PSMD14: variants seen among roughly 807,000 people sequenced by gnomAD.
PSMD14 encodes ubiquitin C-terminal hydrolase PSMD14.
PSMD14 carries 7 observed loss-of-function variants against 41.2 expected under a neutral mutation model. The observed-to-expected ratio is 0.17, with a 90% CI of 0.10 to 0.32. The LOEUF is 0.32. PSMD14 is among the 10% of genes least tolerant of loss of function. PSMD14 has a pLI of 1.00. For missense variants in PSMD14, 139 were observed against 375.6 expected (o/e 0.37, Z 5.21); for synonymous variants, 114 against 122.3 (o/e 0.93, Z 0.45).
intron 3 of PSMD14, among the ~76,000 whole-genome samples, chr2:161,353,944 A>G (rs1683155668): frequency 6.6e-6 from 1 of 152,232 alleles, no homozygotes; most frequent in South Asian, 2.1e-4. Flanking sequence ...GCTTCCCAAA[A>G]TAACCAGTTA....
chr2:161,348,217 T>TC (rs1051665943), intron 3 of PSMD14, among the ~76,000 whole-genome samples: 2 of 152,184 alleles, frequency 1.3e-5, no homozygotes, highest in African/African-American at 4.8e-5. Flanking sequence ...ACTGGGACAT[T>TC]CATAACAGCA....
At chr2:161,389,913 A>T (rs1461762114) in intron 8 of PSMD14, among the ~76,000 whole-genome samples, 28 of 2,646 alleles carry the variant, frequency 0.011, no homozygotes, top group East Asian at 0.036. Context: ...TTTTTTTTTT[A>T]GAGATGGGGT....
intron 3 of PSMD14, among the ~76,000 whole-genome samples, chr2:161,340,176 T>G (rs2105241146): frequency 6.6e-6 from 1 of 152,290 alleles, no homozygotes; most frequent in South Asian, 2.1e-4. Flanking sequence ...ATGAAAGGGC[T>G]GAATCCGAGA....
chr2:161,318,534 A>G (rs1485052375), intron 2 of PSMD14, among the ~76,000 whole-genome samples: 8 of 152,140 alleles, frequency 5.3e-5, no homozygotes. Flanking sequence ...ACAATAAGAA[A>G]ATATAATTAA....
intron 8 of PSMD14, among the ~76,000 whole-genome samples, chr2:161,390,416 T>G (rs1012466165): frequency 6.6e-6 from 1 of 152,102 alleles, no homozygotes; most frequent in Admixed American, 6.6e-5. Flanking sequence ...CAGAGTTAGA[T>G]ATGGGGGCAG....
intron 3 of PSMD14, among the ~76,000 whole-genome samples, chr2:161,340,391 C>T (rs1682933209): frequency 2.6e-5 from 4 of 152,108 alleles, no homozygotes; most frequent in Admixed American, 2.6e-4. Context: ...TCTCATTCCT[C>T]AAAGTCTTCT....
intron 3 of PSMD14, among the ~76,000 whole-genome samples, chr2:161,361,951 T>G (rs911543667): frequency 4.6e-5 from 7 of 152,236 alleles, no homozygotes; most frequent in Non-Finnish European, 1.0e-4. Flanking sequence ...TCTTACCTTA[T>G]GTTGCTTGGT....
chr2:161,356,879 C>A (rs1179718084), intron 3 of PSMD14, among the ~76,000 whole-genome samples: 5 of 145,760 alleles, frequency 3.4e-5, no homozygotes, highest in Admixed American at 1.4e-4. Context: ...TTTTACATTT[C>A]TTTTAAGTGA....
rs528401756 is a variant in PSMD14, at chr2:161,379,925, A to C, written c.463-5539A>C. Among the ~76,000 whole-genome samples, 158 of 152,144 alleles carry C rather than the reference A, an allele frequency of 1.0e-3. 1 individual carries two copies. Among genetic ancestry groups the C allele is most frequent in the African/African-American group, 3.7e-3 (154 of 41,548 alleles). ...ACCACTGCTGTGTTCAGTTGTTGGC[A>C]GGGAGCTGCCCAGGAGAAGTATGAC... On this transcript the variant is annotated intron_variant, in intron 7 of 11. Transcript: ENST00000409682.
At chr2:161,343,659 C>G (rs1682999009) in intron 3 of PSMD14, among the ~76,000 whole-genome samples, 1 of 152,204 alleles carries the variant, frequency 6.6e-6, no homozygotes. Flanking sequence ...GAAACCCTGT[C>G]TATTCTAAAA....
chr2:161,396,603 G>T (rs932072778), intron 10 of PSMD14, among the ~76,000 whole-genome samples: 3 of 152,124 alleles, frequency 2.0e-5, no homozygotes, highest in African/African-American at 4.8e-5. Context: ...GTAGAGAGTA[G>T]AATTGTGGTT....
chr2:161,318,913 C>G lies in PSMD14; in HGVS notation c.48+40C>G, dbSNP rs374769249. ...TCTTGAGCATTTCCTTGTGTGTAAA[C>G]TACAAGCCTTTTTGTAGTTAGCCAA... is the stretch of plus-strand genomic sequence containing the variant. On this transcript the variant is annotated intron_variant, in intron 3 of 11. Coordinates refer to ENST00000409682, the MANE Select transcript of PSMD14 (RefSeq NM_005805.6). The G allele has an allele frequency of 1.6e-5, 25 of 1,534,078 alleles. No individual in the cohort carries two copies. In the African/African-American group the frequency reaches 3.2e-4, roughly 20 times the overall value.
chr2:161,375,428 A>G (rs1683490287), intron 7 of PSMD14, among the ~76,000 whole-genome samples: 1 of 152,078 alleles, frequency 6.6e-6, no homozygotes, highest in Non-Finnish European at 1.5e-5. Context: ...TTACTTGTAT[A>G]ACAAACACAG....
At chr2:161,357,088 T>TTTTTTTTTTTTTTTTTTTTTTTTTTTTTA (rs1683218463) in intron 3 of PSMD14, among the ~76,000 whole-genome samples, 2 of 150,166 alleles carry the variant, frequency 1.3e-5, no homozygotes, top group African/African-American at 2.5e-5. Flanking sequence ...TTTTTTTTTT[T>TTTTTTTTTTTTTTTTTTTTTTTTTTTTTA]AGCACTTAGT....
chr2:161,347,247 G>C (rs1182689517), intron 3 of PSMD14, among the ~76,000 whole-genome samples: 2 of 152,116 alleles, frequency 1.3e-5, no homozygotes, highest in Non-Finnish European at 2.9e-5. Flanking sequence ...GCTTTAGGTG[G>C]GAATGTAGAT....
chr2:161,310,925 G>A (rs932640148), intron 1 of PSMD14, among the ~76,000 whole-genome samples: 3 of 152,148 alleles, frequency 2.0e-5, no homozygotes, highest in Non-Finnish European at 4.4e-5. Flanking sequence ...CTCAGTGCAT[G>A]CCACTAAATT....
chr2:161,338,748 C>G (rs1682905588), intron 3 of PSMD14, among the ~76,000 whole-genome samples: 1 of 152,176 alleles, frequency 6.6e-6, no homozygotes, highest in African/African-American at 2.4e-5. Context: ...TCACTGCAAT[C>G]AAGATGGTGA....
At chr2:161,393,698 A>G (rs1264196635) in intron 9 of PSMD14, among the ~76,000 whole-genome samples, 1 of 152,142 alleles carries the variant, frequency 6.6e-6, no homozygotes, top group Non-Finnish European at 1.5e-5. Context: ...TTTTATAGCC[A>G]TCATTTTTTT....
intron 8 of PSMD14, among the ~76,000 whole-genome samples, chr2:161,389,908 T>TTTTTTTTTA (rs1559053001): frequency 7.8e-6 from 1 of 128,318 alleles, no homozygotes; most frequent in African/African-American, 2.9e-5. Context: ...TTTTTTTTTT[T>TTTTTTTTTA]TTTTAGAGAT....
Sources: gnomAD v4.1 joint callset for allele counts (sites outside exome capture counted in the v4.1 genomes callset) on GRCh38, gnomAD v4.1.1 for gene constraint, MANE v1.5 for transcripts, NCBI Gene and HGNC (gene_info 2026-07-23, HGNC 2026-07-21) for gene names.